Variants in CUBN observed in about 807,000 individuals in gnomAD.
The protein encoded by CUBN is cubilin.
In CUBN, 282 loss-of-function variants were observed where a neutral mutation model predicts 405.3. That is an observed-to-expected ratio of 0.70 (90% confidence interval 0.63 to 0.77). CUBN has a LOEUF of 0.77. CUBN is among the 30% of genes least tolerant of loss of function. The pLI, the probability that CUBN is intolerant of heterozygous loss-of-function variation, is 0.00. For missense variants in CUBN, 4,514 were observed against 4,475.2 expected (o/e 1.01, Z -0.25); for synonymous variants, 1,684 against 1,617.0 (o/e 1.04, Z -0.99).
intron 28 of CUBN, among the ~76,000 whole-genome samples, chr10:17,014,804 A>G (rs34391117): frequency 0.4 from 60,367 of 152,050 alleles, 12,309 homozygotes; most frequent in East Asian, 0.59. Flanking sequence ...AAACAGATGA[A>G]GGCTATCCCT....
At chr10:16,946,319 TTAATC>T (rs1414863518) in intron 36 of CUBN, among the ~76,000 whole-genome samples, 1 of 152,150 alleles carries the variant, frequency 6.6e-6, no homozygotes, top group Non-Finnish European at 1.5e-5. Flanking sequence ...GCTGTCTAAT[TTAATC>T]TAAGACCACT....
chr10:16,938,926 C>T lies in CUBN; in HGVS notation c.5733+37G>A, dbSNP rs3817218. 0.047 allele frequency: 72,160 copies of T among 1,548,372 alleles called. 6,714 individuals are homozygous for T. The highest frequency in any genetic ancestry group is 0.3 in the African/African-American group (22,252 of 73,508). Reference sequence around the variant, plus strand: ...TTTATTTTTACCAATAGCAATTCACCAATATTTATGAACATTGATTGCATG... The same window carrying T: ...TTTATTTTTACCAATAGCAATTCACTAATATTTATGAACATTGATTGCATG... On this transcript the variant is annotated intron_variant, in intron 38 of 66. Transcript: ENST00000377833.
chr10:16,965,801 A>G, intron 31 of CUBN: 1 of 308,612 alleles, frequency 3.2e-6, no homozygotes, highest in South Asian at 2.6e-5. Flanking sequence ...ACTTATCTGA[A>G]CCAGACACTG....
At chr10:16,865,609 A>G (rs141326748) in intron 59 of CUBN, among the ~76,000 whole-genome samples, 3 of 152,230 alleles carry the variant, frequency 2.0e-5, no homozygotes, top group African/African-American at 7.2e-5. Flanking sequence ...TGTAGCTAGC[A>G]AGAGGATTGT....
At chr10:16,983,378 G>C (rs3012489) in intron 30 of CUBN, among the ~76,000 whole-genome samples, 111,424 of 152,006 alleles carry the variant, frequency 0.73, 43,690 homozygotes, top group Non-Finnish European at 0.89. Flanking sequence ...GTGGCCATAA[G>C]GTAGTCTGGA....
At chr10:16,995,801 A>T (rs898453247) in intron 28 of CUBN, among the ~76,000 whole-genome samples, 3 of 152,222 alleles carry the variant, frequency 2.0e-5, no homozygotes, top group Non-Finnish European at 4.4e-5. Flanking sequence ...TTTTTATGGT[A>T]GTTCAGTTCT....
chr10:16,978,032 C>T (rs1009240209), intron 31 of CUBN, among the ~76,000 whole-genome samples: 10 of 152,186 alleles, frequency 6.6e-5, no homozygotes, highest in African/African-American at 1.7e-4. Context: ...CCTAGATGCA[C>T]GAGAAATACA....
chr10:17,056,753 T>C (rs891751844), intron 22 of CUBN, among the ~76,000 whole-genome samples: 3 of 151,990 alleles, frequency 2.0e-5, no homozygotes, highest in Non-Finnish European at 4.4e-5. Flanking sequence ...AAGGATACCA[T>C]AAGGAAAAGA....
intron 57 of CUBN, 97 bp downstream of exon 57, chr10:16,876,800 T>C (rs944420862): frequency 2.9e-6 from 3 of 1,040,442 alleles, no homozygotes; most frequent in East Asian, 2.4e-5. Flanking sequence ...ATTCTCTGAA[T>C]CTTCAAGTTA....
At chr10:16,948,427 T>C in intron 35 of CUBN, 51 bp downstream of exon 35, 2 of 1,611,536 alleles carry the variant, frequency 1.2e-6, no homozygotes, top group South Asian at 2.2e-5. Context: ...AAACCAAGAA[T>C]TTCTACCACA....
chr10:17,026,831 C>G (rs750862231), intron 27 of CUBN, among the ~76,000 whole-genome samples: 2 of 152,182 alleles, frequency 1.3e-5, no homozygotes, highest in Non-Finnish European at 2.9e-5. Context: ...TAAGTCCCCT[C>G]CATAAGGCAC....
rs563212156 is a variant in CUBN at position 16,830,907 on chromosome 10, G to A, written c.10528+345C>T. On this transcript the variant is annotated intron_variant, in intron 65 of 66. Transcript: ENST00000377833. ...TTTGAGACCAGCCTGGCCAATATGG[G>A]GAAACGCTCTGTCTACTAAAAATAC... Among the ~76,000 whole-genome samples, 324 of 152,160 alleles carry A rather than the reference G, an allele frequency of 2.1e-3. 8 individuals are homozygous for A. In the South Asian group the frequency reaches 0.066, roughly 31 times the overall value.
Position 16,888,471 on chromosome 10 carries a change from C to T in CUBN, c.8851G>A (p.Glu2951Lys), listed in dbSNP as rs143409222. The T allele has an allele frequency of 3.1e-5, 50 of 1,613,030 alleles. No homozygotes were observed. The highest frequency in any genetic ancestry group is 4.2e-5 in the Non-Finnish European group (49 of 1,179,078). The change falls in exon 56 of 67, where the codon GAG (glutamate) becomes AAG (lysine). Residue 2951 changes from glutamate (E) to lysine (K), a missense_variant. Glu to Lys is a moderately conservative substitution (Grantham distance 56). This residue lies in a region of CUBN where 1,186 missense variants were observed against 1,186.9 expected (regional missense o/e 1.00). Coordinates refer to ENST00000377833, the MANE Select transcript of CUBN (RefSeq NM_001081.4). ...AGGACCACTGACAGAGGATTAGCCT[C>T]TATGACATAGGTGCAATTCATGTTG... is the stretch of plus-strand genomic sequence containing the variant. ...DNNMNCTYVI[E>K]ANPLSVVLLT... is the part of the protein sequence containing the mutation.
intron 25 of CUBN, 113 bp downstream of exon 25, chr10:17,044,894 T>C (rs1835090619): frequency 9.1e-7 from 1 of 1,094,856 alleles, no homozygotes; most frequent in Non-Finnish European, 1.4e-6. Flanking sequence ...AATTTTTATA[T>C]GGATGTTCGG....
chr10:16,974,824 C>G (rs1003679182), intron 31 of CUBN, among the ~76,000 whole-genome samples: 1 of 152,108 alleles, frequency 6.6e-6, no homozygotes, highest in Non-Finnish European at 1.5e-5. Flanking sequence ...AGGATGAAGA[C>G]CTTTATGATG....
Position 16,939,106 on chromosome 10 carries a change from C to A in CUBN, c.5590G>T (p.Ala1864Ser), listed in dbSNP as rs199693560. 1.9e-6 allele frequency: 3 copies of A among 1,613,848 alleles called. No homozygotes were observed. The highest frequency in any genetic ancestry group is 2.5e-6 in the Non-Finnish European group (3 of 1,179,858). ...TAGTTTTCAGGCCAGAAAGGAGAGG[C>A]GACTTTCCCATGAGTTCCCACAATA... ...DNIVGTHGKV[A>S]SPFWPENYPH... Residue 1864 changes from alanine to serine, a missense_variant, in exon 38 of 67, where the codon GCC becomes TCC. Physicochemically the swap from Ala to Ser is moderately conservative, Grantham distance 99 (BLOSUM62 1). Around this residue, in one of 5 missense-constraint regions of CUBN, gnomAD observed 1,613 missense variants for 1,542.8 expected, o/e 1.05. Coordinates refer to ENST00000377833, the MANE Select transcript of CUBN (RefSeq NM_001081.4).
intron 28 of CUBN, among the ~76,000 whole-genome samples, chr10:16,995,307 A>C (rs754630012): frequency 1.3e-5 from 2 of 152,204 alleles, no homozygotes; most frequent in Non-Finnish European, 2.9e-5. Flanking sequence ...TGTAGTTCAG[A>C]CAAATGGGTT....
intron 14 of CUBN, among the ~76,000 whole-genome samples, chr10:17,089,228 A>T (rs569689131): frequency 6.6e-6 from 1 of 152,338 alleles, no homozygotes; most frequent in African/African-American, 2.4e-5. Flanking sequence ...AATGAAACAA[A>T]TTAGTTCCAT....
intron 28 of CUBN, among the ~76,000 whole-genome samples, chr10:17,005,441 G>T (rs534439394): frequency 5.9e-5 from 9 of 152,326 alleles, no homozygotes; most frequent in African/African-American, 2.2e-4. Flanking sequence ...CCTTGGAGTT[G>T]ATACTGCCCC....
Sources: allele counts gnomAD v4.1 joint callset (sites outside exome capture counted in the v4.1 genomes callset), GRCh38; gene constraint gnomAD v4.1.1; regional missense constraint gnomAD v4.1.1; transcripts MANE v1.5; gene names NCBI Gene and HGNC (gene_info 2026-07-23, HGNC 2026-07-21).